SYNPR: variants seen among roughly 807,000 people sequenced by gnomAD.
The protein encoded by SYNPR is synaptoporin.
In SYNPR, 23 loss-of-function variants were observed where a neutral mutation model predicts 32.9. The ratio of observed to expected loss-of-function variants is 0.70; its 90% CI spans 0.50 to 0.99. The LOEUF (loss-of-function observed/expected upper bound fraction) is 0.99. SYNPR is among the 50% of genes least tolerant of loss of function. The pLI is 0.00. For synonymous variants in SYNPR, 146 were observed against 135.9 expected (o/e 1.07, Z -0.52); for missense variants, 318 against 349.3 (o/e 0.91, Z 0.71).
In SYNPR at chr3:63,545,157, A is replaced by G. The variant is rs1026341670; in HGVS notation, c.210-11386A>G. Among the ~76,000 whole-genome samples, 8 of 152,172 alleles carry G rather than the reference A, an allele frequency of 5.3e-5. No homozygotes were observed. In the South Asian group the frequency reaches 1.0e-3, roughly 20 times the overall value. On this transcript the variant is annotated intron_variant, in intron 3 of 5. Coordinates refer to ENST00000478300, the MANE Select transcript of SYNPR (RefSeq NM_001130003.2). ...CTTGAATATTCGTTACTATGTCGCCATTGGGTGTGAGACTAGATGAGGTAA... is the reference window on the plus strand; with the variant it reads ...CTTGAATATTCGTTACTATGTCGCCGTTGGGTGTGAGACTAGATGAGGTAA...
chr3:63,364,891 A>G (rs1421087755), intron 2 of SYNPR, among the ~76,000 whole-genome samples: 1 of 152,218 alleles, frequency 6.6e-6, no homozygotes, highest in Non-Finnish European at 1.5e-5. Flanking sequence ...AAATTAGGTT[A>G]CAGGGTAAAT....
chr3:63,331,879 T>C (rs185645316), intron 2 of SYNPR, among the ~76,000 whole-genome samples: 19 of 152,272 alleles, frequency 1.2e-4, no homozygotes, highest in African/African-American at 3.4e-4. Flanking sequence ...TGCCAGGAGC[T>C]GAGGTTTGGA....
At chr3:63,302,759 T>C (rs759373609) in intron 2 of SYNPR, among the ~76,000 whole-genome samples, 2 of 151,836 alleles carry the variant, frequency 1.3e-5, no homozygotes, top group African/African-American at 4.8e-5. Flanking sequence ...ACAAACCTAA[T>C]GGATAATAAT....
chr3:63,510,500 A>G (rs917947129), intron 3 of SYNPR, among the ~76,000 whole-genome samples: 1 of 152,188 alleles, frequency 6.6e-6, no homozygotes. Flanking sequence ...TGAACGTGCC[A>G]GTTGTGGGAA....
chr3:63,580,772 T>G (rs1435533284), intron 4 of SYNPR, among the ~76,000 whole-genome samples: 1 of 152,160 alleles, frequency 6.6e-6, no homozygotes, highest in African/African-American at 2.4e-5. Context: ...CCTTATACAG[T>G]TCTGGCAAAT....
intron 2 of SYNPR, among the ~76,000 whole-genome samples, chr3:63,258,105 C>A (rs1214110261): frequency 2.6e-5 from 4 of 152,232 alleles, no homozygotes; most frequent in East Asian, 1.9e-4. Context: ...GACTTAGACT[C>A]CCACACAATA....
chr3:63,314,851 G>A (rs1313054962), intron 2 of SYNPR, among the ~76,000 whole-genome samples: 2 of 151,992 alleles, frequency 1.3e-5, no homozygotes, highest in African/African-American at 4.8e-5. Flanking sequence ...AATTTCTATA[G>A]TTTCAGGTCT....
rs114064953 is a variant in SYNPR, at chr3:63,433,445, G to A, written c.85-47387G>A. Among the ~76,000 whole-genome samples the A allele has an allele frequency of 3.5e-3, 532 of 152,314 alleles. 4 individuals carry two copies. The highest frequency in any genetic ancestry group is 0.012 in the African/African-American group (503 of 41,568). On this transcript the variant is annotated intron_variant, in intron 2 of 5. Transcript: ENST00000478300. ...AGAAAGAAAACTGGTTTTTCTCTGCGTGAGAATGAACAGTTCACATGGCAT... is the reference window on the plus strand; with the variant it reads ...AGAAAGAAAACTGGTTTTTCTCTGCATGAGAATGAACAGTTCACATGGCAT...
intron 2 of SYNPR, among the ~76,000 whole-genome samples, chr3:63,369,977 G>C (rs1391372869): frequency 6.6e-6 from 1 of 152,030 alleles, no homozygotes; most frequent in African/African-American, 2.4e-5. Context: ...TTGAAAAGAG[G>C]GTCATGAATG....
intron 3 of SYNPR, among the ~76,000 whole-genome samples, chr3:63,501,494 C>CAAAAAAAAAAAAAAAAA (rs377290258): frequency 1.0e-5 from 1 of 96,738 alleles, no homozygotes; most frequent in Non-Finnish European, 2.1e-5. Context: ...CTCCCCCAAC[C>CAAAAAAAAAAAAAAAAA]AAAAAAAAAA....
intron 3 of SYNPR, among the ~76,000 whole-genome samples, chr3:63,491,871 C>T (rs1038173119): frequency 3.3e-5 from 5 of 152,120 alleles, no homozygotes; most frequent in African/African-American, 1.2e-4. Context: ...ATACTATCCT[C>T]AATTTTGCCT....
intron 2 of SYNPR, among the ~76,000 whole-genome samples, chr3:63,351,888 A>G (rs567354699): frequency 2.0e-5 from 3 of 152,220 alleles, no homozygotes; most frequent in Non-Finnish European, 2.9e-5. Context: ...ATTGACTCAG[A>G]TACTGAGAAC....
chr3:63,375,157 G>C (rs2087871470), intron 2 of SYNPR, among the ~76,000 whole-genome samples: 1 of 152,168 alleles, frequency 6.6e-6, no homozygotes. Flanking sequence ...GTGGAAGACA[G>C]TGTGGTGATT....
At chr3:63,593,580 T>G (rs1184584719) in intron 4 of SYNPR, among the ~76,000 whole-genome samples, 1 of 152,170 alleles carries the variant, frequency 6.6e-6, no homozygotes, top group African/African-American at 2.4e-5. Context: ...TGATAAAGTT[T>G]TCTGGGAACA....
chr3:63,361,466 C>T lies in SYNPR; in HGVS notation c.84+82724C>T, dbSNP rs367743546. 5.3e-5 allele frequency among the ~76,000 whole-genome samples: 8 copies of T among 151,896 alleles called. No homozygotes were observed. The East Asian group carries it at 1.2e-3, about 22-fold the overall frequency. On this transcript the variant is annotated intron_variant, in intron 2 of 5. Transcript: ENST00000478300. ...ACAAAAAATTAGCTGGGCATGGTGG[C>T]GGGCTCCTGTAGTCGCAGCTACTCA...
intron 2 of SYNPR, among the ~76,000 whole-genome samples, chr3:63,280,250 C>T (rs908854674): frequency 2.6e-5 from 4 of 152,190 alleles, no homozygotes; most frequent in African/African-American, 9.7e-5. Context: ...CACACAGCCT[C>T]TACTGCTATA....
chr3:63,606,413 C>CTTTTTTTTTTTTTTT (rs1454337046), intron 4 of SYNPR, among the ~76,000 whole-genome samples: 3 of 63,452 alleles, frequency 4.7e-5, no homozygotes, highest in African/African-American at 1.5e-4. Flanking sequence ...ACCTCAAATC[C>CTTTTTTTTTTTTTTT]TTTCTTTTTT....
chr3:63,503,570 T>G (rs1269896167), intron 3 of SYNPR, among the ~76,000 whole-genome samples: 1 of 152,124 alleles, frequency 6.6e-6, no homozygotes. Flanking sequence ...TTTTGTTTGT[T>G]AAAGCTATTT....
At chr3:63,207,581 A>G in the SYNPR span, among the ~76,000 whole-genome samples, 3 of 152,308 alleles carry the variant, frequency 2.0e-5, no homozygotes, top group East Asian at 5.8e-4. Context: ...GTATCCTTCT[A>G]AACAAAATCA....
Sources: gnomAD v4.1 joint callset for allele counts (sites outside exome capture counted in the v4.1 genomes callset) on GRCh38, gnomAD v4.1.1 for gene constraint, MANE v1.5 for transcripts, NCBI Gene and HGNC (gene_info 2026-07-23, HGNC 2026-07-21) for gene names.